SLC37A3: variants seen among roughly 807,000 people sequenced by gnomAD.
The protein encoded by SLC37A3 is solute carrier family 37 member 3, also known as sugar phosphate exchanger 3.
In SLC37A3, 51 loss-of-function variants were observed where a neutral mutation model predicts 67.1. The observed-to-expected ratio is 0.76, with a 90% CI of 0.61 to 0.96. The LOEUF (loss-of-function observed/expected upper bound fraction) is 0.96. SLC37A3 is among the 40% of genes least tolerant of loss of function. SLC37A3 has a pLI of 0.00. For missense variants in SLC37A3, 508 were observed against 603.0 expected (o/e 0.84, Z 1.65); for synonymous variants, 214 against 231.4 (o/e 0.92, Z 0.68).
chr7:140,351,371 C>T lies in SLC37A3; in HGVS notation c.784G>A (p.Glu262Lys), dbSNP rs75193178. 18 of 1,614,156 alleles carry T rather than the reference C, an allele frequency of 1.1e-5. No individual in the cohort carries two copies. The highest frequency in any genetic ancestry group is 4.5e-5 in the East Asian group (2 of 44,876). ...TGGATTGAATAATTCGGCTCATATT[C>T]GTCTTCATTTTCACCACCATTAATT... ...PLINGGENEDEYEPNYSIQDD... is the reference protein window; with the variant it reads ...PLINGGENEDKYEPNYSIQDD... The change falls in exon 9 of 15, where the codon GAA (glutamate) becomes AAA (lysine). Residue 262 changes from glutamate to lysine, a missense_variant. Glu to Lys is a moderately conservative substitution (Grantham distance 56, BLOSUM62 1). Coordinates refer to ENST00000326232, the MANE Select transcript of SLC37A3 (RefSeq NM_207113.3).
At position 140,363,054 on chromosome 7, in the gene SLC37A3, G is replaced by A. The variant is rs1483501394; in HGVS notation, c.375+1354C>T. Among the ~76,000 whole-genome samples, 7 of 90,482 alleles carry A rather than the reference G, an allele frequency of 7.7e-5. 2 individuals carry two copies. Among genetic ancestry groups the A allele is most frequent in the African/African-American group, 2.0e-4 (5 of 24,710 alleles). 59.4% of individuals were successfully genotyped at this position (90,482 alleles called of 152,430 possible). On this transcript the variant is annotated intron_variant, in intron 5 of 14. Coordinates refer to ENST00000326232, the MANE Select transcript of SLC37A3 (RefSeq NM_207113.3). ...ACCCCTCTGCCCGGCCAGCCGCCCCGTCAGGGAGGGTGGTGGGGGGGGTCA... is the reference window on the plus strand; with the variant it reads ...ACCCCTCTGCCCGGCCAGCCGCCCCATCAGGGAGGGTGGTGGGGGGGGTCA...
At chr7:140,370,760 C>G (rs1301928566) in intron 3 of SLC37A3, among the ~76,000 whole-genome samples, 1 of 152,106 alleles carries the variant, frequency 6.6e-6, no homozygotes, top group Non-Finnish European at 1.5e-5. Flanking sequence ...TAAAAAGTGT[C>G]CTTCATTAAC....
At chr7:140,386,518 A>C (rs1798457136) in intron 1 of SLC37A3, among the ~76,000 whole-genome samples, 2 of 151,842 alleles carry the variant, frequency 1.3e-5, no homozygotes, top group African/African-American at 4.8e-5. Context: ...GTGATTTCCA[A>C]TCATCCATGA....
At chr7:140,364,250 TC>T (rs1312428106) in intron 5 of SLC37A3, among the ~76,000 whole-genome samples, 157 bp downstream of exon 5, 3 of 100,586 alleles carry the variant, frequency 3.0e-5, no homozygotes, top group Admixed American at 1.8e-4. Context: ...AGATTCTGTC[TC>T]GGGGGGGAAA....
chr7:140,348,574 A>C, intron 10 of SLC37A3, 52 bp downstream of exon 10: 1 of 1,543,272 alleles, frequency 6.5e-7, no homozygotes, highest in Admixed American at 2.3e-5. Flanking sequence ...ACCCAGTAAA[A>C]GATCACTAGT....
chr7:140,383,863 A>G (rs1321804922), intron 1 of SLC37A3, among the ~76,000 whole-genome samples: 1 of 152,038 alleles, frequency 6.6e-6, no homozygotes, highest in African/African-American at 2.4e-5. Context: ...TTTTTGTGGA[A>G]ACATGGTTTC....
At chr7:140,351,488 C>G (rs1796799278) in intron 8 of SLC37A3, 37 bp from the exon 9 acceptor site, 1 of 1,599,918 alleles carries the variant, frequency 6.3e-7, no homozygotes, top group South Asian at 1.1e-5. Context: ...TATGGAGTGC[C>G]TACCACGTGT....
intron 12 of SLC37A3, 134 bp downstream of exon 12, chr7:140,345,082 T>TG: frequency 1.3e-6 from 1 of 741,708 alleles, no homozygotes. Context: ...AAAGGAGGCG[T>TG]TTTTCCTTTT....
Position 140,334,470 on chromosome 7 carries a change from T to A in SLC37A3, c.*942A>T, listed in dbSNP as rs988101610. The A allele has an allele frequency of 6.6e-6, 1 of 152,640 alleles. No homozygotes were observed. Among genetic ancestry groups the A allele is most frequent in the Non-Finnish European group, 1.5e-5 (1 of 68,038 alleles). 9.5% of individuals were successfully genotyped at this position (152,640 alleles called of 1,614,324 possible). A position where few individuals can be genotyped will look rare whatever the true frequency, so the allele number is the denominator to read the frequency against. ...TCCCTTTTCTCTAATTCTAGTCTTC[T>A]GCTGAGGTAACTCCAGGAAGCTGCT... On this transcript the variant is annotated 3_prime_UTR_variant, in exon 15 of 15. Transcript: ENST00000326232.
chr7:140,340,018 T>G (rs111252976), intron 13 of SLC37A3, among the ~76,000 whole-genome samples: 2 of 150,592 alleles, frequency 1.3e-5, no homozygotes, highest in East Asian at 2.0e-4. Context: ...GATTACAGGC[T>G]TAAGCCACCG....
rs1249495635 is a variant in SLC37A3, at chr7:140,382,505, G to A, written c.22C>T (p.Gln8Ter). ...AACTGGGACAGCAGAGACCCTCTTT[G>A]AAAAACATTTGGCCAGGCCATGTTC... MAWPNVF[Q>*]RGSLLSQFSH... The change falls in exon 2 of 15, where the codon CAA becomes TAA. Residue 8 changes from glutamine to a stop codon, truncating the protein, a stop_gained. Transcript: ENST00000326232. LOFTEE classifies it high-confidence loss of function. 6.2e-7 allele frequency: 1 copy of A among 1,614,044 alleles called. No individual in the cohort carries two copies.
chr7:140,341,963 G>A (rs139061483), intron 13 of SLC37A3, among the ~76,000 whole-genome samples: 54 of 152,252 alleles, frequency 3.5e-4, no homozygotes, highest in Middle Eastern at 3.4e-3. Flanking sequence ...GCTTTGCTAA[G>A]GTTTTTGTTT....
In SLC37A3 at chr7:140,369,628, C is replaced by T. The variant is rs141192448; in HGVS notation, c.253G>A (p.Gly85Ser). 496 of 1,613,888 alleles carry T rather than the reference C, an allele frequency of 3.1e-4. 1 individual carries two copies. Among genetic ancestry groups the T allele is most frequent in the Middle Eastern group, 1.2e-3 (7 of 6,062 alleles). ...AAGAGGAAAATGGTATCCAGTGTGC[C>T]GAGGAAAAGAGTCGCTTTCTCTGCA... ...PSAEKATLFL[G>S]TLDTIFLFSY... Residue 85 changes from glycine (G) to serine (S), a missense_variant, in exon 4 of 15, where the codon GGC becomes AGC. Transcript: ENST00000326232.
intron 14 of SLC37A3, 33 bp downstream of exon 14, chr7:140,337,251 G>A: frequency 2.0e-6 from 3 of 1,477,476 alleles, no homozygotes; most frequent in East Asian, 2.5e-5. Flanking sequence ...ACAGAAAAAT[G>A]ACTTTTTTTT....
chr7:140,351,550 A>G (rs1190423960), intron 8 of SLC37A3, 99 bp from the exon 9 acceptor site: 2 of 1,288,434 alleles, frequency 1.6e-6, no homozygotes, highest in Non-Finnish European at 2.1e-6. Flanking sequence ...TTTTATTTCC[A>G]TTTTACAGAA....
intron 8 of SLC37A3, 70 bp from the exon 9 acceptor site, chr7:140,351,521 A>ACTTATGAGGTGATG: frequency 1.4e-6 from 2 of 1,418,648 alleles, no homozygotes; most frequent in Non-Finnish European, 9.6e-7. Flanking sequence ...ATACATCCCT[A>ACTTATGAGGTGATG]CTTATGAGGT....
chr7:140,345,337 A>C (rs1796513684), intron 11 of SLC37A3, 74 bp from the exon 12 acceptor site: 12 of 1,136,664 alleles, frequency 1.1e-5, no homozygotes, highest in Non-Finnish European at 1.6e-5. Context: ...ACCGTACGCG[A>C]AGATCTGAAT....
At chr7:140,378,022 T>G (rs570088876) in intron 3 of SLC37A3, among the ~76,000 whole-genome samples, 1 of 152,330 alleles carries the variant, frequency 6.6e-6, no homozygotes, top group South Asian at 2.1e-4. Flanking sequence ...GTACTCTATG[T>G]TGAGTCCTCC....
chr7:140,388,609 G>A (rs1280060612), intron 1 of SLC37A3, among the ~76,000 whole-genome samples: 2 of 151,910 alleles, frequency 1.3e-5, no homozygotes, highest in East Asian at 1.9e-4. Flanking sequence ...TCAGGGGTTC[G>A]AGACCAGCCT....
Sources: allele counts gnomAD v4.1 joint callset (sites outside exome capture counted in the v4.1 genomes callset), GRCh38; gene constraint gnomAD v4.1.1; transcripts MANE v1.5; gene names NCBI Gene and HGNC (gene_info 2026-07-23, HGNC 2026-07-21).